The following TRMT11 variants were observed in gnomAD, a reference collection of about 807,000 sequenced individuals.
The protein encoded by TRMT11 is tRNA (guanine(10)-N(2))-methyltransferase TRMT11.
A neutral mutation model predicts 62.8 loss-of-function variants in TRMT11; 53 were observed. The ratio of observed to expected loss-of-function variants is 0.84; its 90% CI spans 0.68 to 1.06. The LOEUF (loss-of-function observed/expected upper bound fraction) is 1.06. Ranked by LOEUF, TRMT11 falls within the 50% of genes least tolerant of loss-of-function variation. The pLI, the probability that TRMT11 is intolerant of heterozygous loss-of-function variation, is 0.00. For missense variants in TRMT11, 556 were observed against 553.4 expected (o/e 1.00, Z -0.05); for synonymous variants, 188 against 190.3 (o/e 0.99, Z 0.10).
At chr6:126,091,582 C>A (rs1023780607) in intron 17 of TRMT11, among the ~76,000 whole-genome samples, 3 of 152,098 alleles carry the variant, frequency 2.0e-5, no homozygotes, top group Non-Finnish European at 4.4e-5. Flanking sequence ...AACTCAGTTA[C>A]GTTAAATTTG....
At chr6:126,062,332 A>C (rs552081761) in intron 17 of TRMT11, among the ~76,000 whole-genome samples, 1 of 152,216 alleles carries the variant, frequency 6.6e-6, no homozygotes, top group Admixed American at 6.5e-5. Context: ...GAGGGAGGGC[A>C]CTTTTGAATC....
the TRMT11 span, among the ~76,000 whole-genome samples, chr6:126,218,231 C>T: frequency 1.3e-5 from 2 of 152,158 alleles, no homozygotes; most frequent in Admixed American, 1.3e-4. Flanking sequence ...TGAGTCGGTA[C>T]CTAAGCAGCA....
chr6:126,183,066 A>G (rs1778485243), intron 1 of TRMT11, among the ~76,000 whole-genome samples: 1 of 152,070 alleles, frequency 6.6e-6, no homozygotes, highest in African/African-American at 2.4e-5. Context: ...CCACCCACCC[A>G]CTGCAGGCTT....
intron 17 of TRMT11, among the ~76,000 whole-genome samples, chr6:126,089,369 C>T (rs1777248923): frequency 6.6e-6 from 1 of 152,182 alleles, no homozygotes; most frequent in Non-Finnish European, 1.5e-5. Context: ...GTCTCGGCCT[C>T]CCAAAGTGCT....
the TRMT11 span, among the ~76,000 whole-genome samples, chr6:126,235,506 T>C: frequency 6.6e-6 from 1 of 152,214 alleles, no homozygotes; most frequent in East Asian, 1.9e-4. Context: ...ATATACACCA[T>C]GGAATACTAT....
intron 5 of TRMT11, 31 bp downstream of exon 5, chr6:125,998,346 C>T (rs1481236604): frequency 6.9e-7 from 1 of 1,443,246 alleles, no homozygotes; most frequent in Non-Finnish European, 9.7e-7. Flanking sequence ...AAAAAACCTA[C>T]ATGATGAATG....
At chr6:126,230,808 T>C in the TRMT11 span, among the ~76,000 whole-genome samples, 2 of 152,112 alleles carry the variant, frequency 1.3e-5, no homozygotes, top group African/African-American at 4.8e-5. Context: ...TGAGAAAGCA[T>C]GACTTTAAAC....
chr6:126,037,885 T>A (rs1268695232), intron 12 of TRMT11, among the ~76,000 whole-genome samples: 1 of 152,102 alleles, frequency 6.6e-6, no homozygotes, highest in Non-Finnish European at 1.5e-5. Context: ...TGTTTTCCAT[T>A]TAAGTCTCCA....
chr6:126,257,410 G>A, the TRMT11 span, among the ~76,000 whole-genome samples: 2 of 151,934 alleles, frequency 1.3e-5, no homozygotes, highest in African/African-American at 4.8e-5. Context: ...CTAGTATCTT[G>A]TTGAGAATTT....
intron 12 of TRMT11, among the ~76,000 whole-genome samples, chr6:126,027,611 CTAAAGTT>C (rs1197626653): frequency 6.6e-6 from 1 of 152,028 alleles, no homozygotes; most frequent in African/African-American, 2.4e-5. Context: ...TTAATTCAGA[CTAAAGTT>C]TAATGTATAA....
chr6:125,998,119 C>T lies in TRMT11; in HGVS notation c.279C>T (p.Tyr93=), dbSNP rs752352153. The T allele has an allele frequency of 1.9e-6, 3 of 1,613,374 alleles. No homozygotes were observed. In the South Asian group the frequency reaches 3.3e-5, roughly 18 times the overall value. ...PEELYSSLKN[Y]PVEKMVPFLH... ...AGCTGTACAGTTCTCTTAAAAACTA[C>T]CCTGTGGAGAAGATGGTGCGTAGTA... Residue 93 remains tyrosine (Y), a synonymous_variant, in exon 4 of 13, where the codon TAC becomes TAT. Coordinates refer to ENST00000334379, the MANE Select transcript of TRMT11 (RefSeq NM_001031712.3).
chr6:126,161,145 T>C (rs1778185673), intron 21 of TRMT11, among the ~76,000 whole-genome samples: 1 of 152,152 alleles, frequency 6.6e-6, no homozygotes, highest in African/African-American at 2.4e-5. Flanking sequence ...GTTTGTTACA[T>C]AGGTATACAT....
chr6:126,188,252 C>T (rs1778548947), intron 1 of TRMT11, among the ~76,000 whole-genome samples: 1 of 151,960 alleles, frequency 6.6e-6, no homozygotes, highest in South Asian at 2.1e-4. Context: ...ACAAGATTCA[C>T]ATCTAGAATA....
chr6:126,254,423 A>G, the TRMT11 span, among the ~76,000 whole-genome samples: 1 of 152,220 alleles, frequency 6.6e-6, no homozygotes, highest in Non-Finnish European at 1.5e-5. Flanking sequence ...TTTAGCAACT[A>G]TTTATTGAAC....
At position 126,169,989 on chromosome 6, in the gene TRMT11, A is replaced by G. The variant is rs141395110; in HGVS notation, c.*1824-4836A>G. ...TCTCTACTCTCTTGCAATTTATTTT[A>G]TATAGTCTTTTTCCAGGAATCCTCC... On this transcript the variant is annotated intron_variant and NMD_transcript_variant, in intron 21 of 22. Coordinates refer to the TRMT11 transcript ENST00000648977. 6.6e-5 allele frequency among the ~76,000 whole-genome samples: 10 copies of G among 151,898 alleles called. No individual in the cohort carries two copies. In the East Asian group the frequency reaches 1.5e-3, roughly 23 times the overall value.
chr6:126,045,209 AT>A (rs1293962435), intron 16 of TRMT11, among the ~76,000 whole-genome samples: 1 of 151,748 alleles, frequency 6.6e-6, no homozygotes, highest in African/African-American at 2.4e-5. Context: ...AAAATTGCAG[AT>A]TGTCATGCCC....
chr6:126,011,133 A>G, intron 8 of TRMT11, 120 bp from the exon 9 acceptor site: 2 of 830,514 alleles, frequency 2.4e-6, no homozygotes, highest in Non-Finnish European at 3.6e-6. Context: ...AAGATTTTAA[A>G]TGAAAGCAAA....
downstream of TRMT11, among the ~76,000 whole-genome samples, chr6:126,039,457 C>T (rs1775793425): frequency 1.3e-5 from 2 of 151,948 alleles, no homozygotes; most frequent in African/African-American, 4.8e-5. Flanking sequence ...TCTTTTGTAC[C>T]TTGGATTTGC....
At chr6:126,232,909 A>T in the TRMT11 span, among the ~76,000 whole-genome samples, 1 of 152,202 alleles carries the variant, frequency 6.6e-6, no homozygotes, top group Non-Finnish European at 1.5e-5. Flanking sequence ...GGCGCTGGCT[A>T]AAATCCACAT....
Sources: allele counts gnomAD v4.1 joint callset (sites outside exome capture counted in the v4.1 genomes callset), GRCh38; gene constraint gnomAD v4.1.1; transcripts MANE v1.5; gene names NCBI Gene and HGNC (gene_info 2026-07-23, HGNC 2026-07-21).